Variants in PARD3 observed in about 807,000 individuals in gnomAD.
PARD3 encodes par-3 family cell polarity regulator.
In PARD3, 75 loss-of-function variants were observed where a neutral mutation model predicts 155.4. That is an observed-to-expected ratio of 0.48 (90% CI 0.40 to 0.58). The LOEUF is 0.58. Ranked by LOEUF, PARD3 falls within the 20% of genes least tolerant of loss-of-function variation. The pLI is 0.00. For missense variants in PARD3, 1,642 were observed against 1,721.7 expected (o/e 0.95, Z 0.82); for synonymous variants, 576 against 610.5 (o/e 0.94, Z 0.83).
chr10:34,399,202 C>T lies in PARD3; in HGVS notation c.890+128G>A. 2.9e-6 allele frequency: 2 copies of T among 680,644 alleles called. 1 individual carries two copies. Among genetic ancestry groups the T allele is most frequent in the South Asian group, 3.4e-5 (2 of 57,996 alleles). 42.2% of individuals were successfully genotyped at this position (680,644 alleles called of 1,614,324 possible). A position where few individuals can be genotyped will look rare whatever the true frequency, so the allele number is the denominator to read the frequency against. ...TGACATATATATAGGAATGAAGGAG[C>T]AGTTGCCTCCAAATGAGAATGTTTC... On this transcript the variant is annotated intron_variant, in intron 7 of 24. Transcript: ENST00000374788.
At chr10:34,197,332 G>A (rs1044281013) in intron 22 of PARD3, among the ~76,000 whole-genome samples, 4 of 152,116 alleles carry the variant, frequency 2.6e-5, no homozygotes, top group Non-Finnish European at 4.4e-5. Context: ...GACCAGGCCT[G>A]GAATGAAACC....
chr10:34,590,018 G>A (rs2088518341), intron 2 of PARD3, among the ~76,000 whole-genome samples: 1 of 152,106 alleles, frequency 6.6e-6, no homozygotes, highest in African/African-American at 2.4e-5. Context: ...TACCAATCCA[G>A]GATCATTTCA....
intron 1 of PARD3, among the ~76,000 whole-genome samples, chr10:34,811,011 G>T (rs1446573406): frequency 6.6e-6 from 1 of 152,142 alleles, no homozygotes; most frequent in Non-Finnish European, 1.5e-5. Flanking sequence ...CAGGCTGAGA[G>T]GAGAGCTATG....
chr10:34,281,033 G>C (rs1026293920), intron 21 of PARD3, among the ~76,000 whole-genome samples: 1 of 152,110 alleles, frequency 6.6e-6, no homozygotes, highest in Admixed American at 6.6e-5. Flanking sequence ...AATACATGGA[G>C]GTATCACTGG....
intron 2 of PARD3, among the ~76,000 whole-genome samples, chr10:34,567,286 T>A (rs2086033025): frequency 6.6e-6 from 1 of 152,202 alleles, no homozygotes; most frequent in African/African-American, 2.4e-5. Context: ...TAAAAATAAA[T>A]GCTAATCCAC....
intron 22 of PARD3, among the ~76,000 whole-genome samples, chr10:34,138,027 T>G (rs939508570): frequency 2.6e-5 from 4 of 152,202 alleles, no homozygotes; most frequent in African/African-American, 9.6e-5. Context: ...GGATTTAAGG[T>G]GGCCCTAATG....
intron 1 of PARD3, among the ~76,000 whole-genome samples, chr10:34,753,867 G>C (rs1345917587): frequency 1.3e-5 from 2 of 152,048 alleles, no homozygotes; most frequent in Non-Finnish European, 2.9e-5. Context: ...GGACAAGGGA[G>C]AACACACAAC....
intron 4 of PARD3, among the ~76,000 whole-genome samples, chr10:34,464,618 T>C (rs1465764446): frequency 1.3e-5 from 2 of 152,014 alleles, no homozygotes; most frequent in Non-Finnish European, 2.9e-5. Context: ...TTGGCAAAAA[T>C]ATAAATGTCA....
At chr10:34,634,223 TC>T (rs1327622177) in intron 2 of PARD3, among the ~76,000 whole-genome samples, 1 of 152,160 alleles carries the variant, frequency 6.6e-6, no homozygotes, top group African/African-American at 2.4e-5. Flanking sequence ...TGAGAAATTA[TC>T]CCCTAATTAC....
At chr10:34,785,994 A>G (rs1840917080) in intron 1 of PARD3, among the ~76,000 whole-genome samples, 1 of 152,184 alleles carries the variant, frequency 6.6e-6, no homozygotes, top group Admixed American at 6.5e-5. Context: ...TCTCAAAAAA[A>G]AGGAACAGTG....
chr10:34,779,754 T>A (rs1254517596), intron 1 of PARD3, among the ~76,000 whole-genome samples: 1 of 152,228 alleles, frequency 6.6e-6, no homozygotes, highest in East Asian at 1.9e-4. Flanking sequence ...GTGGAAGACA[T>A]TCATTAGCTA....
chr10:34,676,052 C>T (rs1305631348), intron 2 of PARD3: 2 of 152,762 alleles, frequency 1.3e-5, no homozygotes, highest in Non-Finnish European at 2.9e-5. Context: ...CAAGGCAGGC[C>T]ACAGGTAACG....
At chr10:34,412,180 C>T (rs547697238) in intron 5 of PARD3, among the ~76,000 whole-genome samples, 11 of 152,118 alleles carry the variant, frequency 7.2e-5, no homozygotes, top group African/African-American at 2.7e-4. Context: ...CCATTTTGGT[C>T]TCTAACTCCT....
chr10:34,477,955 G>A (rs1247547561), intron 3 of PARD3, among the ~76,000 whole-genome samples: 1 of 152,238 alleles, frequency 6.6e-6, no homozygotes, highest in South Asian at 2.1e-4. Context: ...CATGCTGTGG[G>A]GATACAAACC....
rs1195862574 is a variant in PARD3, at chr10:34,708,601, A to G, written c.121-12182T>C. Among the ~76,000 whole-genome samples, 9 of 152,352 alleles carry G rather than the reference A, an allele frequency of 5.9e-5. No homozygotes were observed. In the East Asian group the frequency reaches 1.7e-3, roughly 29 times the overall value. ...GTATCTTTATGTTTATAGAGATAGA[A>G]AAACAACGTAGCAAATGTAAACAAC... On this transcript the variant is annotated intron_variant, in intron 1 of 24. Coordinates refer to ENST00000374788, the MANE Select transcript of PARD3 (RefSeq NM_001184785.2).
chr10:34,307,990 A>G (rs1163946438), intron 20 of PARD3, among the ~76,000 whole-genome samples: 1 of 152,144 alleles, frequency 6.6e-6, no homozygotes, highest in African/African-American at 2.4e-5. Flanking sequence ...TAGACCCTCT[A>G]AAAAGCTGAC....
At chr10:34,628,686 A>C (rs917627942) in intron 2 of PARD3, among the ~76,000 whole-genome samples, 4 of 152,224 alleles carry the variant, frequency 2.6e-5, no homozygotes, top group African/African-American at 9.6e-5. Flanking sequence ...TGACAGCCAC[A>C]CTGCGCAGCA....
At chr10:34,253,294 A>G (rs1954440319) in intron 22 of PARD3, among the ~76,000 whole-genome samples, 1 of 152,232 alleles carries the variant, frequency 6.6e-6, no homozygotes, top group Non-Finnish European at 1.5e-5. Context: ...GACTCACATT[A>G]GTTCTTTAAC....
intron 22 of PARD3, among the ~76,000 whole-genome samples, chr10:34,151,917 T>C (rs920234904): frequency 2.0e-5 from 3 of 152,208 alleles, no homozygotes; most frequent in African/African-American, 7.2e-5. Flanking sequence ...CTGTTACTTA[T>C]TCAAGAGACC....
Sources: allele counts gnomAD v4.1 joint callset (sites outside exome capture counted in the v4.1 genomes callset), GRCh38; gene constraint gnomAD v4.1.1; transcripts MANE v1.5; gene names NCBI Gene and HGNC (gene_info 2026-07-23, HGNC 2026-07-21).